DNAAF5: variants seen among roughly 807,000 people sequenced by gnomAD.
The protein encoded by DNAAF5 is dynein axonemal assembly factor 5.
Under a neutral mutation model 75.8 loss-of-function variants are expected in DNAAF5, and 64 were observed. That is an observed-to-expected ratio of 0.84 (90% CI 0.69 to 1.04). The LOEUF (loss-of-function observed/expected upper bound fraction) is 1.04, where lower values mean the gene tolerates loss of function less well. Ranked by LOEUF, DNAAF5 falls within the 50% of genes least tolerant of loss-of-function variation. The pLI, the probability that DNAAF5 is intolerant of heterozygous loss-of-function variation, is 0.00. For synonymous variants in DNAAF5, 657 were observed against 557.2 expected (o/e 1.18, Z -2.52); for missense variants, 1,269 against 1,178.5 (o/e 1.08, Z -1.12).
chr7:785,072 T>G (rs1227735139), intron 12 of DNAAF5, among the ~76,000 whole-genome samples: 2 of 152,038 alleles, frequency 1.3e-5, no homozygotes, highest in African/African-American at 4.8e-5. Flanking sequence ...TTATGACTAC[T>G]GTGCACCCAT....
At chr7:739,094 GCC>G in intron 2 of DNAAF5, among the ~76,000 whole-genome samples, 1 of 106,942 alleles carries the variant, frequency 9.4e-6, no homozygotes, top group African/African-American at 3.6e-5. Flanking sequence ...TCTCAGCCAC[GCC>G]CTCTGCCCCA....
chr7:734,989 C>CTGCTCACGATGTCAT (rs1349672805), intron 2 of DNAAF5, among the ~76,000 whole-genome samples: 1 of 151,318 alleles, frequency 6.6e-6, no homozygotes, highest in South Asian at 2.1e-4. Flanking sequence ...CACAGTGTCG[C>CTGCTCACGATGTCAT]TGCTCACGAT....
At chr7:761,626 C>A in intron 6 of DNAAF5, 127 bp from the exon 7 acceptor site, 1 of 927,222 alleles carries the variant, frequency 1.1e-6, no homozygotes, top group Non-Finnish European at 1.6e-6. Flanking sequence ...CCCCATGATT[C>A]AGTTCCCTCC....
chr7:745,328 G>C (rs751347752), intron 4 of DNAAF5, among the ~76,000 whole-genome samples: 1 of 152,232 alleles, frequency 6.6e-6, no homozygotes, highest in Non-Finnish European at 1.5e-5. Context: ...GCTGTGCACC[G>C]GAGAGGGAGG....
chr7:781,845 T>C (rs978022807), intron 12 of DNAAF5, among the ~76,000 whole-genome samples: 1 of 152,242 alleles, frequency 6.6e-6, no homozygotes, highest in Non-Finnish European at 1.5e-5. Context: ...GATTATTAGA[T>C]TGTCTGCTAT....
chr7:775,190 G>A (rs1262850411), intron 11 of DNAAF5, 28 bp downstream of exon 11: 12 of 1,609,174 alleles, frequency 7.5e-6, no homozygotes, highest in Non-Finnish European at 1.0e-5. Context: ...TTCACAGCCT[G>A]TGTATATGCA....
intron 6 of DNAAF5, among the ~76,000 whole-genome samples, chr7:760,075 C>A (rs536202139): frequency 1.8e-4 from 2 of 11,262 alleles, no homozygotes; most frequent in Admixed American, 1.0e-3. Context: ...CGGGGCCGCG[C>A]GGCTCCTCCA....
At chr7:780,815 CT>C (rs139098865) in intron 12 of DNAAF5, among the ~76,000 whole-genome samples, 19,625 of 141,194 alleles carry the variant, frequency 0.14, 1,493 homozygotes, top group East Asian at 0.29. Flanking sequence ...TAACGATTTG[CT>C]TTTTTTTTTC....
At position 729,552 on chromosome 7, in the gene DNAAF5, A is replaced by G. The variant is rs908578832; in HGVS notation, c.596-111A>G. On this transcript the variant is annotated intron_variant, in intron 1 of 12. Coordinates refer to ENST00000297440, the MANE Select transcript of DNAAF5 (RefSeq NM_017802.4). ...ATGCAGCAAGGACCTGGCGTAGGAG[A>G]GGAAGGGAGGTGAGGAACTCATAGG... 144 of 974,176 alleles carry G rather than the reference A, an allele frequency of 1.5e-4. No homozygotes were observed. The East Asian group carries it at 2.3e-3, about 15-fold the overall frequency. 60.3% of individuals were successfully genotyped at this position (974,176 alleles called of 1,614,324 possible).
chr7:759,224 T>C (rs1466978934), intron 6 of DNAAF5, among the ~76,000 whole-genome samples: 1 of 152,308 alleles, frequency 6.6e-6, no homozygotes, highest in East Asian at 1.9e-4. Context: ...TTTTAAAAGC[T>C]CGTGTTTAAA....
At chr7:773,957 T>TC (rs994224274) in intron 9 of DNAAF5, 91 bp from the exon 10 acceptor site, 16 of 1,464,502 alleles carry the variant, frequency 1.1e-5, no homozygotes, top group African/African-American at 7.0e-5. Context: ...CCTGTTTGGC[T>TC]CCCCCCTCAG....
At chr7:735,090 G>A (rs1296656146) in intron 2 of DNAAF5, among the ~76,000 whole-genome samples, 2 of 148,220 alleles carry the variant, frequency 1.3e-5, no homozygotes, top group Non-Finnish European at 3.0e-5. Context: ...TCATACTGTT[G>A]CTCATGGTGT....
chr7:774,425 C>T (rs558097921), intron 10 of DNAAF5, among the ~76,000 whole-genome samples: 1 of 152,156 alleles, frequency 6.6e-6, no homozygotes, highest in African/African-American at 2.4e-5. Flanking sequence ...GCCGCGGGCC[C>T]AGCCAGCCCG....
At chr7:730,384 AAT>A (rs1781527435) in intron 2 of DNAAF5, among the ~76,000 whole-genome samples, 1 of 152,118 alleles carries the variant, frequency 6.6e-6, no homozygotes, top group Non-Finnish European at 1.5e-5. Context: ...GACTTGCTAA[AAT>A]GCTACACACT....
Position 744,402 on chromosome 7 carries a change from A to G in DNAAF5, c.1024+2937A>G, listed in dbSNP as rs184326777. On this transcript the variant is annotated intron_variant, in intron 4 of 12. Coordinates refer to ENST00000297440, the MANE Select transcript of DNAAF5 (RefSeq NM_017802.4). ...GTGAATAGAGCTGCAATAAACATAC[A>G]TGTGCCTGTGTCTTTATAGCAGCAT... Among the ~76,000 whole-genome samples the G allele has an allele frequency of 3.0e-3, 462 of 152,334 alleles. 5 individuals carry two copies. The highest frequency in any genetic ancestry group is 0.011 in the African/African-American group (444 of 41,582).
chr7:727,217 A>G lies in DNAAF5; in HGVS notation c.497A>G (p.Asp166Gly). 1 of 1,350,722 alleles carries G rather than the reference A, an allele frequency of 7.4e-7. No homozygotes were observed. The highest frequency in any genetic ancestry group is 9.5e-7 in the Non-Finnish European group (1 of 1,050,586). The allele number at this position is 1,350,722 out of a possible 1,614,324, so 83.7% of individuals were successfully genotyped here. Residue 166 changes from aspartate (D) to glycine (G), a missense_variant, in exon 1 of 13, where the codon GAC becomes GGC. Transcript: ENST00000297440. Reference protein sequence around the residue: ...CGAALAPHLDDALRALRCSLL... With the variant: ...CGAALAPHLDGALRALRCSLL... ...GCCGCGCTCGCGCCCCACCTGGACG[A>G]CGCTCTGCGCGCGCTGCGCTGCTCC...
At chr7:730,349 C>T (rs1287009162) in intron 2 of DNAAF5, among the ~76,000 whole-genome samples, 1 of 152,128 alleles carries the variant, frequency 6.6e-6, no homozygotes, top group Non-Finnish European at 1.5e-5. Context: ...GCCTGGAGGG[C>T]ATGTCTTGGA....
chr7:727,323 C>G lies in DNAAF5; in HGVS notation c.595+8C>G. On this transcript the variant is annotated splice_region_variant and intron_variant, in intron 1 of 12. Coordinates refer to ENST00000297440, the MANE Select transcript of DNAAF5 (RefSeq NM_017802.4). ...TGGCGCAGGCCACGCCCGGTGAGCA[C>G]CCCGGGCCCCGCTCCCACACGCCAC... 1 of 1,262,742 alleles carries G rather than the reference C, an allele frequency of 7.9e-7. No homozygotes were observed. The highest frequency in any genetic ancestry group is 1.0e-6 in the Non-Finnish European group (1 of 1,002,728). 78.2% of individuals were successfully genotyped at this position (1,262,742 alleles called of 1,614,324 possible).
Position 741,335 on chromosome 7 carries a change from G to T in DNAAF5, c.906-12G>T. On this transcript the variant is annotated splice_polypyrimidine_tract_variant and intron_variant, in intron 3 of 12. Coordinates refer to ENST00000297440, the MANE Select transcript of DNAAF5 (RefSeq NM_017802.4). ...TGCCCTGAGCCACTGTTGTCTGTCT[G>T]TTGTGCCTCAGGCAGCTGGCTGCCA... is the stretch of plus-strand genomic sequence containing the variant. The T allele has an allele frequency of 6.3e-7, 1 of 1,580,964 alleles. No homozygotes were observed. The highest frequency in any genetic ancestry group is 8.6e-7 in the Non-Finnish European group (1 of 1,162,430).
Sources: allele counts gnomAD v4.1 joint callset (sites outside exome capture counted in the v4.1 genomes callset), GRCh38; gene constraint gnomAD v4.1.1; transcripts MANE v1.5; gene names NCBI Gene and HGNC (gene_info 2026-07-23, HGNC 2026-07-21).